The following RBFOX1 variants were observed in gnomAD, a reference collection of about 807,000 sequenced individuals.
The protein encoded by RBFOX1 is RNA binding fox-1 homolog 1.
Under a neutral mutation model 57.7 loss-of-function variants are expected in RBFOX1, and 8 were observed. The ratio of observed to expected loss-of-function variants is 0.14; its 90% CI spans 0.08 to 0.25. The LOEUF is 0.25. Among genes scored for constraint, RBFOX1 ranks in the 10% least tolerant of loss-of-function variants. The pLI is 1.00. For synonymous variants in RBFOX1, 326 were observed against 222.4 expected (o/e 1.47, Z -4.15); for missense variants, 611 against 548.5 (o/e 1.11, Z -1.14).
intron 3 of RBFOX1, among the ~76,000 whole-genome samples, chr16:6,941,530 T>G (rs747185715): frequency 2.6e-4 from 40 of 152,056 alleles, no homozygotes; most frequent in Non-Finnish European, 4.6e-4. Flanking sequence ...CTGGTGGGTT[T>G]CCTGAAGGTT....
chr16:7,266,858 T>C (rs2095162930), intron 4 of RBFOX1, among the ~76,000 whole-genome samples: 1 of 152,014 alleles, frequency 6.6e-6, no homozygotes, highest in Non-Finnish European at 1.5e-5. Flanking sequence ...GGAAGGCCTG[T>C]TTGAGCAGGT....
chr16:5,254,999 T>G (rs71390645), intron 1 of RBFOX1, among the ~76,000 whole-genome samples: 1 of 152,216 alleles, frequency 6.6e-6, no homozygotes, highest in Non-Finnish European at 1.5e-5. Flanking sequence ...TGGCTCTACC[T>G]GCCCAGCATG....
rs12445794 is a variant in RBFOX1, at chr16:6,723,099, C to T, written c.-16+68449C>T. Among the ~76,000 whole-genome samples, 984 of 152,224 alleles carry T rather than the reference C, an allele frequency of 6.5e-3. 4 individuals are homozygous for T. Among genetic ancestry groups the T allele is most frequent in the Non-Finnish European group, 0.01 (706 of 68,020 alleles). On this transcript the variant is annotated intron_variant, in intron 3 of 15. Coordinates refer to ENST00000550418, the MANE Select transcript of RBFOX1 (RefSeq NM_018723.4). ...GTCCCATGAGTGGTGATGTGGACAC[C>T]AGAGTTTTCACAACGTGTTTGTCTT...
chr16:6,253,597 A>AGATAGATG (rs1045024034), intron 1 of RBFOX1, among the ~76,000 whole-genome samples: 21 of 132,046 alleles, frequency 1.6e-4, no homozygotes, highest in Admixed American at 1.6e-3. Flanking sequence ...GATGATAGAT[A>AGATAGATG]GATAGATGGA....
chr16:5,555,408 G>A (rs2045630722), intron 2 of RBFOX1, among the ~76,000 whole-genome samples: 1 of 151,686 alleles, frequency 6.6e-6, no homozygotes, highest in African/African-American at 2.4e-5. Context: ...GAGCCACCAG[G>A]CCTGGCAAAT....
chr16:5,298,705 A>G (rs944421253), intron 1 of RBFOX1, among the ~76,000 whole-genome samples: 1 of 17,498 alleles, frequency 5.7e-5, no homozygotes, highest in Admixed American at 6.1e-4. Flanking sequence ...CCTTTCTTTC[A>G]TTTCTTTCAT....
At chr16:6,621,937 T>C (rs564144515) in intron 2 of RBFOX1, among the ~76,000 whole-genome samples, 3 of 152,312 alleles carry the variant, frequency 2.0e-5, no homozygotes, top group African/African-American at 4.8e-5. Flanking sequence ...GAGAGAGTTA[T>C]GGTGGAAGAA....
chr16:7,618,642 C>A (rs181872087), intron 10 of RBFOX1, among the ~76,000 whole-genome samples: 1 of 151,678 alleles, frequency 6.6e-6, no homozygotes, highest in African/African-American at 2.4e-5. Context: ...GTTCTTATTT[C>A]CCCAACAAAT....
intron 2 of RBFOX1, among the ~76,000 whole-genome samples, chr16:6,364,241 A>G (rs1265560669): frequency 6.6e-6 from 1 of 152,226 alleles, no homozygotes; most frequent in Non-Finnish European, 1.5e-5. Flanking sequence ...CTTTCTCCAC[A>G]CAGTATAAAG....
chr16:7,437,711 G>C (rs1271971691), intron 4 of RBFOX1, among the ~76,000 whole-genome samples: 1 of 152,112 alleles, frequency 6.6e-6, no homozygotes, highest in East Asian at 1.9e-4. Context: ...CTGGAGATTA[G>C]CCTACTCCTG....
chr16:5,828,008 A>G (rs1486637183), intron 3 of RBFOX1, among the ~76,000 whole-genome samples: 1 of 139,974 alleles, frequency 7.1e-6, no homozygotes, highest in East Asian at 2.1e-4. Context: ...CCATCCATCC[A>G]TCATCTATCT....
intron 3 of RBFOX1, among the ~76,000 whole-genome samples, chr16:6,708,073 T>A (rs1175584315): frequency 6.6e-6 from 1 of 152,178 alleles, no homozygotes; most frequent in Non-Finnish European, 1.5e-5. Context: ...CCCTTTTGAA[T>A]GGTAGTAGAA....
At chr16:7,024,125 C>T (rs1007665891) in intron 3 of RBFOX1, among the ~76,000 whole-genome samples, 2 of 152,118 alleles carry the variant, frequency 1.3e-5, no homozygotes, top group African/African-American at 4.8e-5. Flanking sequence ...ATTTTAATGA[C>T]ATGCTTTATG....
intron 3 of RBFOX1, among the ~76,000 whole-genome samples, chr16:5,746,625 T>C (rs1026535316): frequency 6.6e-6 from 1 of 152,192 alleles, no homozygotes; most frequent in Admixed American, 6.5e-5. Context: ...TGAGCAGTTG[T>C]TTGTAGTTCT....
At chr16:7,128,223 C>A (rs901451300) in intron 4 of RBFOX1, among the ~76,000 whole-genome samples, 1 of 152,156 alleles carries the variant, frequency 6.6e-6, no homozygotes, top group African/African-American at 2.4e-5. Context: ...GTATTAAGTG[C>A]CAGACACTAA....
intron 3 of RBFOX1, among the ~76,000 whole-genome samples, chr16:5,857,467 T>A (rs182176664): frequency 6.6e-6 from 1 of 152,234 alleles, no homozygotes. Context: ...AAAGCTTTAA[T>A]TGATTAAAGA....
intron 4 of RBFOX1, among the ~76,000 whole-genome samples, chr16:7,052,449 C>T (rs143981928): frequency 7.9e-5 from 12 of 152,212 alleles, no homozygotes; most frequent in African/African-American, 1.2e-4. Context: ...ATATGAATAC[C>T]AGGCTGTTTG....
At chr16:6,668,160 A>G (rs1379817905) in intron 3 of RBFOX1, among the ~76,000 whole-genome samples, 1 of 152,224 alleles carries the variant, frequency 6.6e-6, no homozygotes, top group African/African-American at 2.4e-5. Flanking sequence ...GAGCATAAGT[A>G]AAGGTGCAGA....
chr16:5,638,008 C>A (rs544683115), intron 3 of RBFOX1, among the ~76,000 whole-genome samples: 2 of 152,336 alleles, frequency 1.3e-5, no homozygotes, highest in African/African-American at 4.8e-5. Context: ...CTATTCTTTC[C>A]TTTGGATAAA....
Sources: allele counts gnomAD v4.1 joint callset (sites outside exome capture counted in the v4.1 genomes callset), GRCh38; gene constraint gnomAD v4.1.1; transcripts MANE v1.5; gene names NCBI Gene and HGNC (gene_info 2026-07-23, HGNC 2026-07-21).